WWP2: variants seen among roughly 807,000 people sequenced by gnomAD.
WWP2 encodes the protein WW domain containing E3 ubiquitin protein ligase 2, also known as NEDD4-like E3 ubiquitin-protein ligase WWP2.
A neutral mutation model predicts 121.0 loss-of-function variants in WWP2; 57 were observed. That is an observed-to-expected ratio of 0.47 (90% CI 0.38 to 0.59). The LOEUF is 0.59. Among genes scored for constraint, WWP2 ranks in the 20% least tolerant of loss-of-function variants. The pLI is 0.00. For synonymous variants in WWP2, 449 were observed against 441.3 expected (o/e 1.02, Z -0.22); for missense variants, 962 against 1,158.9 (o/e 0.83, Z 2.47).
At chr16:69,926,404 T>C (rs909243290) in intron 11 of WWP2, among the ~76,000 whole-genome samples, 2 of 152,062 alleles carry the variant, frequency 1.3e-5, no homozygotes, top group Non-Finnish European at 2.9e-5. Flanking sequence ...TGACAGATGG[T>C]GTGAAACTGG....
rs920710904 is a variant in WWP2, at chr16:69,816,784, T to TAC, written c.340+17499_340+17500dup. ...ATATACACATACACACATACACATA[T>TAC]ACACACACACATATATACACACATG... On this transcript the variant is annotated intron_variant, in intron 4 of 23. Transcript: ENST00000359154. Among the ~76,000 whole-genome samples, 18 of 151,980 alleles carry TAC rather than the reference T, an allele frequency of 1.2e-4. 2 individuals carry two copies. Among genetic ancestry groups the TAC allele is most frequent in the East Asian group, 5.8e-4 (3 of 5,178 alleles).
intron 4 of WWP2, among the ~76,000 whole-genome samples, chr16:69,804,261 A>T (rs2056230569): frequency 6.6e-6 from 1 of 152,188 alleles, no homozygotes. Flanking sequence ...GAGATGAGGT[A>T]AATGGTCACC....
At chr16:69,836,285 C>T (rs1771447580) in intron 4 of WWP2, among the ~76,000 whole-genome samples, 1 of 94,204 alleles carries the variant, frequency 1.1e-5, no homozygotes, top group Admixed American at 1.4e-4. Flanking sequence ...AGTCTCCATC[C>T]TGCCTCCTTT....
At chr16:69,857,620 GT>G (rs1436693289) in intron 6 of WWP2, among the ~76,000 whole-genome samples, 1 of 122,740 alleles carries the variant, frequency 8.1e-6, no homozygotes, top group Non-Finnish European at 1.8e-5. Context: ...TACTTTGTGT[GT>G]TTTGTGTTTT....
At chr16:69,869,139 C>T (rs533822457) in intron 6 of WWP2, among the ~76,000 whole-genome samples, 1 of 152,120 alleles carries the variant, frequency 6.6e-6, no homozygotes, top group East Asian at 1.9e-4. Flanking sequence ...CCACCTGCCT[C>T]AGCCTCCCAA....
chr16:69,901,603 C>T (rs768731876), intron 8 of WWP2, among the ~76,000 whole-genome samples: 3 of 151,986 alleles, frequency 2.0e-5, no homozygotes, highest in African/African-American at 7.3e-5. Flanking sequence ...TGAGTAGAGA[C>T]GGGGTTTCAC....
At position 69,799,612 on chromosome 16, in the gene WWP2, A is replaced by C. The variant is rs969872990; in HGVS notation, c.340+317A>C. ...GGAGATGTGTGATATGTTGAATGAA[A>C]CTGTCAAATACCTCTAGCCTAAATC... On this transcript the variant is annotated intron_variant, in intron 4 of 23. Transcript: ENST00000359154. This position sits in a 1 kb window ranked among gnomAD's most constrained non-coding sequence, Gnocchi z 4.5. 3.7e-6 allele frequency: 1 copy of C among 273,710 alleles called. No individual in the cohort carries two copies. The highest frequency in any genetic ancestry group is 4.8e-5 in the Admixed American group (1 of 20,650). The allele number at this position is 273,710 out of a possible 1,614,324, so 17.0% of individuals were successfully genotyped here.
At chr16:69,855,598 T>C (rs1555496254) in intron 6 of WWP2, among the ~76,000 whole-genome samples, 1 of 152,166 alleles carries the variant, frequency 6.6e-6, no homozygotes, top group Non-Finnish European at 1.5e-5. Context: ...AATAGGGCAG[T>C]CAAGAGAGGT....
rs2270844 is a variant in WWP2, at chr16:69,939,394, C to T, written c.2494C>T (p.Leu832=). ...CIDKVGKETW[L]PRSHTCFNRL... ...TGACAAAGTTGGCAAGGAAACCTGG[C>T]TGCCCAGAAGCCACACCTGGTGAGC... The change falls in exon 23 of 24, where the codon CTG becomes TTG. Residue 832 remains leucine, a synonymous_variant. Transcript: ENST00000359154. 101,584 of 1,614,054 alleles carry T rather than the reference C, an allele frequency of 0.063. 5,000 individuals are homozygous for T. The highest frequency in any genetic ancestry group is 0.3 in the East Asian group (13,279 of 44,870).
chr16:69,821,292 G>T (rs1040893103), intron 4 of WWP2, among the ~76,000 whole-genome samples: 2 of 152,176 alleles, frequency 1.3e-5, no homozygotes, highest in Non-Finnish European at 2.9e-5. Context: ...TGCAGCCGGG[G>T]CCCTTTTCCT....
chr16:69,784,460 A>G (rs1346103890), intron 1 of WWP2, among the ~76,000 whole-genome samples: 7 of 152,164 alleles, frequency 4.6e-5, no homozygotes, highest in Middle Eastern at 3.4e-3. Flanking sequence ...ATTCACACCA[A>G]TGTTCCAGAA....
chr16:69,877,113 T>C (rs2057747811), intron 7 of WWP2, among the ~76,000 whole-genome samples: 1 of 152,212 alleles, frequency 6.6e-6, no homozygotes, highest in Non-Finnish European at 1.5e-5. Flanking sequence ...TATCTATGAA[T>C]GTCCAAGATA....
intron 16 of WWP2, among the ~76,000 whole-genome samples, chr16:69,933,360 C>T (rs2058746879): frequency 2.0e-5 from 3 of 151,950 alleles, no homozygotes; most frequent in South Asian, 4.2e-4. Context: ...AGTGTGGGAA[C>T]GGGGATGGTG....
intron 21 of WWP2, 108 bp from the exon 22 acceptor site, chr16:69,938,919 T>C: frequency 1.0e-6 from 1 of 959,582 alleles, no homozygotes; most frequent in African/African-American, 1.6e-5. Context: ...CCTGGCTTTG[T>C]GTTCTCAGCC....
At position 69,935,802 on chromosome 16, in the gene WWP2, G is replaced by A. The variant is rs982292702; in HGVS notation, c.1843-51G>A. 3 of 1,569,620 alleles carry A rather than the reference G, an allele frequency of 1.9e-6. No individual in the cohort carries two copies. Among genetic ancestry groups the A allele is most frequent in the East Asian group, 4.5e-5 (2 of 44,646 alleles). On this transcript the variant is annotated intron_variant, in intron 17 of 23. Transcript: ENST00000359154. The surrounding 1 kb of genome is among the most constrained non-coding windows in gnomAD (Gnocchi z 5.2). ...TACCGAGCATCTGAGAGCTGGTCTT[G>A]GCAGTGCCCAGGGAAGGCCAAACCT...
Position 69,888,195 on chromosome 16 carries a change from C to T in WWP2, c.860C>T (p.Ser287Leu), listed in dbSNP as rs751715302. 13 of 1,614,082 alleles carry T rather than the reference C, an allele frequency of 8.1e-6. No individual in the cohort carries two copies. Among genetic ancestry groups the T allele is most frequent in the South Asian group, 3.3e-5 (3 of 91,084 alleles). Residue 287 changes from serine (S) to leucine (L), a missense_variant, in exon 8 of 24, where the codon TCG (serine) becomes TTG (leucine). Ser to Leu is a moderately radical substitution (Grantham distance 145). This residue lies in a region of WWP2 where 211 missense variants were observed against 196.5 expected (regional missense o/e 1.07). Coordinates refer to ENST00000359154, the MANE Select transcript of WWP2 (RefSeq NM_001270454.2). The stretch of plus-strand genomic sequence containing the variant: ...GCTGAAGGAGAGGAACCCAGCACTT[C>T]GGGTACACAGCAGCTCCCAGCGGCT... ...TPAEGEEPST[S>L]GTQQLPAAAQ...
At chr16:69,931,252 G>A (rs146254089) in intron 14 of WWP2, 25 bp downstream of exon 14, 31,442 of 1,613,160 alleles carry the variant, frequency 0.019, 399 homozygotes, top group Middle Eastern at 0.053. Flanking sequence ...TGGGGCTCCC[G>A]TGGCAGTTGG....
chr16:69,894,719 A>G (rs2058081921), intron 8 of WWP2, among the ~76,000 whole-genome samples: 1 of 152,114 alleles, frequency 6.6e-6, no homozygotes, highest in South Asian at 2.1e-4. Context: ...CAGGCCCTGT[A>G]TCTGTTTTTT....
chr16:69,917,499 C>G, intron 9 of WWP2: 1 of 502,346 alleles, frequency 2.0e-6, no homozygotes. Flanking sequence ...CCCAGAACCA[C>G]ATGGATCCCC....
Sources: gnomAD v4.1 joint callset for allele counts (sites outside exome capture counted in the v4.1 genomes callset) on GRCh38, gnomAD v4.1.1 for gene constraint, gnomAD v4.1.1 regional missense constraint, Gnocchi (gnomAD v3.1) non-coding constraint, MANE v1.5 for transcripts, NCBI Gene and HGNC (gene_info 2026-07-23, HGNC 2026-07-21) for gene names.